The following DDX60 variants were observed in gnomAD, a reference collection of about 807,000 sequenced individuals.
DDX60 encodes the protein DExD/H-box helicase 60.
A neutral mutation model predicts 212.8 loss-of-function variants in DDX60; 165 were observed. The observed-to-expected ratio is 0.78, with a 90% confidence interval of 0.68 to 0.88. DDX60 has a LOEUF of 0.88. Ranked by LOEUF, DDX60 falls within the 40% of genes least tolerant of loss-of-function variation. The pLI, the probability that DDX60 is intolerant of heterozygous loss-of-function variation, is 0.00. For missense variants in DDX60, 1,905 were observed against 2,003.9 expected, an observed-to-expected ratio of 0.95 and a Z score of 0.94; for synonymous variants, 703 against 685.3, an observed-to-expected ratio of 1.03 and a Z score of -0.40.
intron 30 of DDX60, among the ~76,000 whole-genome samples, chr4:168,242,224 G>C (rs896531148): frequency 6.6e-6 from 1 of 152,178 alleles, no homozygotes. Flanking sequence ...CCTCTGCTAG[G>C]GCAGTGCAAA....
At chr4:168,253,848 C>T (rs1734309086) in intron 26 of DDX60, among the ~76,000 whole-genome samples, 1 of 152,176 alleles carries the variant, frequency 6.6e-6, no homozygotes, top group Non-Finnish European at 1.5e-5. Flanking sequence ...TGTTGTCCAT[C>T]CATCACCCCT....
intron 6 of DDX60, among the ~76,000 whole-genome samples, chr4:168,297,368 AAG>A (rs1283206535): frequency 4.0e-4 from 22 of 55,388 alleles, no homozygotes; most frequent in African/African-American, 2.7e-3. Context: ...GAAAGAAAGA[AAG>A]AAAGAAAGAA....
chr4:168,220,184 T>C (rs1263077504), intron 37 of DDX60, among the ~76,000 whole-genome samples: 1 of 152,100 alleles, frequency 6.6e-6, no homozygotes, highest in African/African-American at 2.4e-5. Context: ...AGGAGGCCAA[T>C]ATGAAAGATC....
chr4:168,276,223 A>G (rs753064855), intron 14 of DDX60, 42 bp from the exon 15 acceptor site: 2 of 1,488,376 alleles, frequency 1.3e-6, no homozygotes, highest in Admixed American at 1.9e-5. Flanking sequence ...AAAGACCATC[A>G]AAAATAATTC....
In DDX60 at chr4:168,276,149, G is replaced by C. The variant is rs377745485; in HGVS notation, c.2011C>G (p.Gln671Glu). The change falls in exon 15 of 38, where the codon CAG (glutamine) becomes GAG (glutamate). Residue 671 changes from glutamine to glutamate, a missense_variant. Transcript: ENST00000393743. ...KTTKDLSIAV[Q>E]VMKRIHSLME... ...AAGGAGTGGATCCTTTTCATCACCT[G>C]AACAGCTATACTTAAATCTTTCGTG... is the stretch of plus-strand genomic sequence containing the variant. 6.8e-6 allele frequency: 11 copies of C among 1,612,026 alleles called. No homozygotes were observed. Among genetic ancestry groups the C allele is most frequent in the Non-Finnish European group, 9.3e-6 (11 of 1,178,822 alleles).
chr4:168,260,125 A>T (rs1183066622), intron 25 of DDX60, among the ~76,000 whole-genome samples: 7 of 152,144 alleles, frequency 4.6e-5, no homozygotes, highest in African/African-American at 1.7e-4. Flanking sequence ...TTCTTTTTTT[A>T]AAATTATACT....
chr4:168,293,938 T>C lies in DDX60; in HGVS notation c.731A>G (p.Lys244Arg). ...GACTTGTGTAAGCAGAGATACAGTC[T>C]TGTGTGCCTGTCAAAGAAAAAAATT... ...KWNNITEEAH[K>R]TVSLLTQVWP... The change falls in exon 7 of 38, where the codon AAG (lysine) becomes AGG (arginine). Residue 244 changes from lysine to arginine, a missense_variant. Lys to Arg is a conservative substitution (Grantham distance 26). Transcript: ENST00000393743. The C allele has an allele frequency of 6.3e-7, 1 of 1,597,984 alleles. No individual in the cohort carries two copies.
chr4:168,298,750 T>C (rs1167768197), intron 6 of DDX60, among the ~76,000 whole-genome samples: 6 of 152,082 alleles, frequency 3.9e-5, no homozygotes, highest in African/African-American at 1.4e-4. Flanking sequence ...CAAACTACAT[T>C]GTGGTGATAG....
chr4:168,230,206 C>G (rs1298915026), intron 33 of DDX60, among the ~76,000 whole-genome samples: 7 of 152,052 alleles, frequency 4.6e-5, no homozygotes, highest in African/African-American at 1.7e-4. Context: ...TACTGGAGCT[C>G]TCAAATTTAT....
chr4:168,280,658 A>G (rs548370303), intron 13 of DDX60, 68 bp from the exon 14 acceptor site: 4 of 1,498,858 alleles, frequency 2.7e-6, no homozygotes, highest in African/African-American at 1.4e-5. Flanking sequence ...GTCATGAGTG[A>G]GACAATATTA....
intron 5 of DDX60, among the ~76,000 whole-genome samples, chr4:168,305,573 G>A (rs191729550): frequency 4.0e-5 from 6 of 148,650 alleles, no homozygotes; most frequent in Admixed American, 6.7e-5. Context: ...ATATGGTACC[G>A]TATTGTCTTA....
At position 168,275,439 on chromosome 4, in the gene DDX60, CG is replaced by C; in HGVS notation, c.2209del (p.Arg737GlyfsTer11). On this transcript the variant is annotated frameshift_variant, in exon 16 of 38. Coordinates refer to ENST00000393743, the MANE Select transcript of DDX60 (RefSeq NM_017631.6). LOFTEE classifies it high-confidence loss of function. ...ATGGCCCATGTATTGCAGTTGGAAC[CG>C]AGCTGGCCCAATGCCAACTGAATAT... ...NKYSVGIGPA[R>X]FQLQYMGHYL... 1 of 1,612,380 alleles carries C rather than the reference CG, an allele frequency of 6.2e-7. No individual in the cohort carries two copies. Among genetic ancestry groups the C allele is most frequent in the Non-Finnish European group, 8.5e-7 (1 of 1,179,236 alleles).
intron 32 of DDX60, among the ~76,000 whole-genome samples, chr4:168,236,681 A>G (rs941167569): frequency 2.0e-5 from 3 of 151,852 alleles, no homozygotes; most frequent in Non-Finnish European, 2.9e-5. Flanking sequence ...TAGTGTTTAA[A>G]TGTAAAAATC....
In DDX60 at chr4:168,272,053, A is replaced by G. The variant is rs763557058; in HGVS notation, c.2660T>C (p.Ile887Thr). The change falls in exon 19 of 38, where the codon ATA (isoleucine) becomes ACA (threonine). Residue 887 changes from isoleucine to threonine, a missense_variant. Ile to Thr is a moderately conservative substitution (Grantham distance 89). Transcript: ENST00000393743. ...QNWVKKIRYV[I>T]FDEVHCLGGE... ...GAACACCAAACCTACCTCATCAAAT[A>G]TAACATATCTGATCTTTTTCACCCA... 8.2e-6 allele frequency: 13 copies of G among 1,579,250 alleles called. No homozygotes were observed. The highest frequency in any genetic ancestry group is 1.8e-5 in the Admixed American group (1 of 56,014).
Position 168,273,845 on chromosome 4 carries a change from T to G in DDX60, c.2454+89A>C, listed in dbSNP as rs76984263. 17,198 of 1,452,946 alleles carry G rather than the reference T, an allele frequency of 0.012. 969 individuals are homozygous for G. The East Asian group carries it at 0.17, about 15-fold the overall frequency. The allele number at this position is 1,452,946 out of a possible 1,614,324, so 90.0% of individuals were successfully genotyped here. The stretch of plus-strand genomic sequence containing the variant: ...AGAAAATGCAGGTTAAAAAATAAAG[T>G]GAACTAGATCTACCATGTGACCATG... On this transcript the variant is annotated intron_variant, in intron 17 of 37. Transcript: ENST00000393743.
At chr4:168,304,619 T>A (rs774145522) in intron 5 of DDX60, among the ~76,000 whole-genome samples, 2 of 152,066 alleles carry the variant, frequency 1.3e-5, no homozygotes, top group African/African-American at 2.4e-5. Context: ...CAGGATCACT[T>A]GAGCCCGAGA....
rs987479797 is a variant in DDX60, at chr4:168,262,183, A to G, written c.3145-55T>C. Reference sequence around the variant, plus strand: ...CAATCATGCAAGAAAATCCAAAAGTATTTCTCAATTATATGCCTCATTAAC... The same window carrying G: ...CAATCATGCAAGAAAATCCAAAAGTGTTTCTCAATTATATGCCTCATTAAC... On this transcript the variant is annotated intron_variant, in intron 23 of 37. Transcript: ENST00000393743. 7 of 1,542,226 alleles carry G rather than the reference A, an allele frequency of 4.5e-6. No homozygotes were observed. In the African/African-American group the frequency reaches 8.4e-5, roughly 19 times the overall value.
At chr4:168,247,187 T>C (rs1008926154) in intron 29 of DDX60, among the ~76,000 whole-genome samples, 3 of 152,198 alleles carry the variant, frequency 2.0e-5, no homozygotes, top group African/African-American at 7.2e-5. Context: ...TAGACTATGG[T>C]AAGGCACTGG....
chr4:168,279,725 T>C (rs1391541532), intron 14 of DDX60, among the ~76,000 whole-genome samples: 2 of 152,166 alleles, frequency 1.3e-5, no homozygotes, highest in Non-Finnish European at 2.9e-5. Flanking sequence ...AAACAACATA[T>C]TGAAGTTCAT....
Sources: gnomAD v4.1 joint callset for allele counts (sites outside exome capture counted in the v4.1 genomes callset) on GRCh38, gnomAD v4.1.1 for gene constraint, MANE v1.5 for transcripts, NCBI Gene and HGNC (gene_info 2026-07-23, HGNC 2026-07-21) for gene names.